COL4A3: variants seen among roughly 807,000 people sequenced by gnomAD.
The protein encoded by COL4A3 is collagen alpha-3(IV) chain.
In COL4A3, 135 loss-of-function variants were observed where a neutral mutation model predicts 217.4. That is an observed-to-expected ratio of 0.62 (90% CI 0.54 to 0.72). The LOEUF (loss-of-function observed/expected upper bound fraction) is 0.72. COL4A3 is among the 30% of genes least tolerant of loss of function. The pLI is 0.00. For synonymous variants in COL4A3, 690 were observed against 736.3 expected, an observed-to-expected ratio of 0.94 and a Z score of 1.02; for missense variants, 1,868 against 2,119.9, an observed-to-expected ratio of 0.88 and a Z score of 2.33.
At chr2:227,217,485 A>G (rs1196833960) in intron 1 of COL4A3, among the ~76,000 whole-genome samples, 1 of 152,218 alleles carries the variant, frequency 6.6e-6, no homozygotes, top group Non-Finnish European at 1.5e-5. Flanking sequence ...ACCTGACTGT[A>G]GTCCTGTTTT....
chr2:227,256,147 T>C, intron 16 of COL4A3, 77 bp downstream of exon 16: 2 of 1,413,678 alleles, frequency 1.4e-6, no homozygotes. Flanking sequence ...TTAAAATCAC[T>C]AAATAGTTAT....
chr2:227,283,968 C>T, intron 33 of COL4A3, 112 bp downstream of exon 33: 1 of 1,081,582 alleles, frequency 9.2e-7, no homozygotes, highest in South Asian at 1.3e-5. Flanking sequence ...GAGAGAGCAA[C>T]AGTATTTGAT....
intron 1 of COL4A3, among the ~76,000 whole-genome samples, chr2:227,235,840 C>G (rs2068664091): frequency 7.0e-6 from 1 of 143,268 alleles, no homozygotes; most frequent in African/African-American, 2.6e-5. Context: ...ATGGCGCAAT[C>G]TCGGCTCACT....
At chr2:227,176,016 G>A (rs1190477126) in intron 1 of COL4A3, among the ~76,000 whole-genome samples, 1 of 151,824 alleles carries the variant, frequency 6.6e-6, no homozygotes, top group Non-Finnish European at 1.5e-5. Flanking sequence ...GCCAAGCTAG[G>A]CCCAAGAGCC....
At position 227,253,460 on chromosome 2, in the gene COL4A3, G is replaced by A. The variant is rs781361868; in HGVS notation, c.688-101G>A. On this transcript the variant is annotated intron_variant, in intron 12 of 51. Transcript: ENST00000396578. The surrounding 1 kb of genome is among the most constrained non-coding windows in gnomAD (Gnocchi z 4.4). ...GGGCCTTCATTTGTTCTATCTTCCC[G>A]TATAAGCACTAAAGGGGAAAAGTAG... 3.1e-5 allele frequency: 44 copies of A among 1,400,158 alleles called. No individual in the cohort carries two copies. The highest frequency in any genetic ancestry group is 3.9e-5 in the Non-Finnish European group (38 of 985,152). 86.7% of individuals were successfully genotyped at this position (1,400,158 alleles called of 1,614,324 possible).
chr2:227,239,181 T>C (rs1317029829), intron 2 of COL4A3, among the ~76,000 whole-genome samples: 3 of 152,092 alleles, frequency 2.0e-5, no homozygotes, highest in African/African-American at 7.2e-5. Flanking sequence ...AATGGCATAC[T>C]GAAAATACTT....
Position 227,309,010 on chromosome 2 carries a change from C to T in COL4A3, c.4574C>T (p.Thr1525Ile). ...SRNDYSYWLS[T>I]PALMPMNMAP... Reference sequence around the variant, plus strand: ...AATGATTATTCATACTGGCTGTCAACACCAGCTCTGATGCCAATGAACATG... The same window carrying T: ...AATGATTATTCATACTGGCTGTCAATACCAGCTCTGATGCCAATGAACATG... The change falls in exon 49 of 52, where the codon ACA becomes ATA. Residue 1525 changes from threonine to isoleucine, a missense_variant. By Grantham distance (89) the Thr-to-Ile change is moderately conservative. Transcript: ENST00000396578. 2 of 1,614,210 alleles carry T rather than the reference C, an allele frequency of 1.2e-6. No homozygotes were observed. Among genetic ancestry groups the T allele is most frequent in the Non-Finnish European group, 8.5e-7 (1 of 1,180,040 alleles).
intron 37 of COL4A3, among the ~76,000 whole-genome samples, chr2:227,291,669 C>T (rs995017136): frequency 5.3e-5 from 8 of 151,164 alleles, no homozygotes; most frequent in Middle Eastern, 3.4e-3. Flanking sequence ...CATTAGAAAG[C>T]GAACAAAATC....
At chr2:227,305,872 C>T (rs2073480150) in intron 47 of COL4A3, among the ~76,000 whole-genome samples, 1 of 152,042 alleles carries the variant, frequency 6.6e-6, no homozygotes, top group African/African-American at 2.4e-5. Context: ...GGATTGCTGA[C>T]TTTGTTAAAG....
chr2:227,222,906 G>T (rs1187427679), intron 1 of COL4A3, among the ~76,000 whole-genome samples: 4 of 152,234 alleles, frequency 2.6e-5, no homozygotes, highest in Non-Finnish European at 5.9e-5. Context: ...CCATGCCCAG[G>T]AGTTCAGACT....
rs2069955917 is a variant in COL4A3, at chr2:227,253,813, G to A, written c.765+175G>A. Among the ~76,000 whole-genome samples the A allele has an allele frequency of 6.6e-6, 1 of 151,808 alleles. No individual in the cohort carries two copies. The highest frequency in any genetic ancestry group is 2.4e-5 in the African/African-American group (1 of 41,272). The stretch of plus-strand genomic sequence containing the variant: ...TCCCGTCCTTTACTCATAAATCCTG[G>A]AAATATTACATGGGGAAGATCTGAG... On this transcript the variant is annotated intron_variant, in intron 13 of 51. Transcript: ENST00000396578. The surrounding 1 kb of genome is among the most constrained non-coding windows in gnomAD (Gnocchi z 4.4).
intron 38 of COL4A3, chr2:227,293,629 C>G (rs943326397): frequency 3.9e-5 from 18 of 464,846 alleles, no homozygotes; most frequent in Admixed American, 9.1e-5. Flanking sequence ...ATTAGTTTGT[C>G]CAGGCTTCCA....
intron 15 of COL4A3, among the ~76,000 whole-genome samples, 177 bp downstream of exon 15, chr2:227,254,892 G>T (rs1202105249): frequency 6.6e-6 from 1 of 152,168 alleles, no homozygotes; most frequent in Non-Finnish European, 1.5e-5. Context: ...GGCTAAAACA[G>T]GGTTCAAGGA....
intron 37 of COL4A3, 169 bp from the exon 38 acceptor site, chr2:227,293,022 T>C (rs1438251172): frequency 2.5e-6 from 1 of 402,420 alleles, no homozygotes; most frequent in East Asian, 1.6e-4. Context: ...CTGGGCCCCA[T>C]AAACCATGTG....
rs2073835470 is a variant in COL4A3, at chr2:227,314,361, A to G, written c.*2491A>G. 1 of 152,686 alleles carries G rather than the reference A, an allele frequency of 6.5e-6. No individual in the cohort carries two copies. The highest frequency in any genetic ancestry group is 1.5e-5 in the Non-Finnish European group (1 of 68,052). 9.5% of individuals were successfully genotyped at this position (152,686 alleles called of 1,614,324 possible). A position where few individuals can be genotyped will look rare whatever the true frequency, so the allele number is the denominator to read the frequency against. On this transcript the variant is annotated 3_prime_UTR_variant, in exon 52 of 52. Coordinates refer to ENST00000396578, the MANE Select transcript of COL4A3 (RefSeq NM_000091.5). ...TTATAGCTCATGTGCATTATTTTCC[A>G]GATAACTTAGCTTATGAGTAGCTTA...
intron 1 of COL4A3, among the ~76,000 whole-genome samples, chr2:227,214,808 T>A (rs2067464460): frequency 6.6e-6 from 1 of 152,226 alleles, no homozygotes; most frequent in East Asian, 1.9e-4. Context: ...TCATTTATTT[T>A]GTGTCCCATA....
At chr2:227,209,600 G>A (rs928578939) in intron 1 of COL4A3, among the ~76,000 whole-genome samples, 7 of 152,174 alleles carry the variant, frequency 4.6e-5, no homozygotes, top group Admixed American at 3.9e-4. Context: ...AGCACTTTGG[G>A]AGGCTGAGGT....
intron 1 of COL4A3, among the ~76,000 whole-genome samples, chr2:227,192,083 C>A (rs557943681): frequency 3.3e-5 from 5 of 152,300 alleles, no homozygotes; most frequent in Non-Finnish European, 7.3e-5. Flanking sequence ...TCTCTGTGCT[C>A]AAGTATTCAT....
In COL4A3 at chr2:227,294,944, GTTT is replaced by G. The variant is rs35803812; in HGVS notation, c.3419-6_3419-4del. Reference sequence around the variant, plus strand: ...GTATACCATAGTTTGGGGTTTTTGGGTTTTTTTTTTTTTTTTCAGGTCTTCCAG... The same window carrying G: ...GTATACCATAGTTTGGGGTTTTTGGGTTTTTTTTTTTTTCAGGTCTTCCAG... On this transcript the variant is annotated splice_polypyrimidine_tract_variant and intron_variant, in intron 39 of 51. Transcript: ENST00000396578. 2.2e-3 allele frequency: 3,026 copies of G among 1,363,780 alleles called. 1 individual carries two copies. Among genetic ancestry groups the G allele is most frequent in the East Asian group, 3.0e-3 (125 of 41,608 alleles). 84.5% of individuals were successfully genotyped at this position (1,363,780 alleles called of 1,614,324 possible). A position where few individuals can be genotyped will look rare whatever the true frequency, so the allele number is the denominator to read the frequency against.
Sources: allele counts gnomAD v4.1 joint callset (sites outside exome capture counted in the v4.1 genomes callset), GRCh38; gene constraint gnomAD v4.1.1; non-coding constraint Gnocchi (gnomAD v3.1); transcripts MANE v1.5; gene names NCBI Gene and HGNC (gene_info 2026-07-23, HGNC 2026-07-21).